The following REEP5 variants were observed in gnomAD, a reference collection of about 807,000 sequenced individuals.
REEP5 encodes the protein receptor accessory protein 5.
In REEP5, 24 loss-of-function variants were observed where a neutral mutation model predicts 22.4. That is an observed-to-expected ratio of 1.07 (90% CI 0.78 to 1.51). The LOEUF (loss-of-function observed/expected upper bound fraction) is 1.51. Ranked by LOEUF, REEP5 falls within the 40% of genes most tolerant of loss-of-function variation. The pLI is 0.00. For synonymous variants in REEP5, 103 were observed against 88.6 expected (o/e 1.16, Z -0.92); for missense variants, 252 against 233.0 (o/e 1.08, Z -0.53).
At chr5:112,915,285 G>C (rs771149104) in intron 2 of REEP5, among the ~76,000 whole-genome samples, 2 of 151,702 alleles carry the variant, frequency 1.3e-5, no homozygotes, top group Non-Finnish European at 2.9e-5. Context: ...AACTGCTTTA[G>C]AGCCCAGAAA....
At chr5:112,908,617 C>T (rs1352651672) in intron 2 of REEP5, among the ~76,000 whole-genome samples, 1 of 152,052 alleles carries the variant, frequency 6.6e-6, no homozygotes, top group Admixed American at 6.6e-5. Flanking sequence ...GCTCTGCCTC[C>T]CGGGTTCATG....
At chr5:112,892,911 T>A in intron 3 of REEP5, 1 of 1,607,700 alleles carries the variant, frequency 6.2e-7, no homozygotes, top group Non-Finnish European at 8.5e-7. Flanking sequence ...AGAGGCACAA[T>A]TCACCAAGCA....
Position 112,877,981 on chromosome 5 carries a change from CTGTGTGTG to C in REEP5, c.*797_*804del, listed in dbSNP as rs60109818. ...AGGGAATTGAGAGTTACAGGTTACTCTGTGTGTGTGTGTGTGTGTGTGTGTGTGTGTGT... is the reference window on the plus strand; with the variant it reads ...AGGGAATTGAGAGTTACAGGTTACTCTGTGTGTGTGTGTGTGTGTGTGTGT... On this transcript the variant is annotated 3_prime_UTR_variant, in exon 5 of 5. Transcript: ENST00000379638. The C allele has an allele frequency of 0.065, 9,532 of 147,556 alleles. 356 individuals are homozygous for C. The highest frequency in any genetic ancestry group is 0.074 in the Non-Finnish European group (4,953 of 67,178). The allele number at this position is 147,556 out of a possible 1,614,324, so 9.1% of individuals were successfully genotyped here.
intron 4 of REEP5, among the ~76,000 whole-genome samples, chr5:112,882,444 C>T (rs1580728456): frequency 6.6e-6 from 1 of 152,232 alleles, no homozygotes; most frequent in African/African-American, 2.4e-5. Context: ...CCCACCCTCA[C>T]TTCATAGTTC....
intron 2 of REEP5, among the ~76,000 whole-genome samples, chr5:112,919,555 G>A (rs944397765): frequency 2.7e-4 from 41 of 152,204 alleles, no homozygotes; most frequent in Middle Eastern, 3.4e-3. Flanking sequence ...AATATAGAGC[G>A]AGACTCTGTC....
intron 4 of REEP5, 112 bp from the exon 5 acceptor site, chr5:112,878,947 C>T (rs903155884): frequency 1.3e-6 from 2 of 1,525,578 alleles, no homozygotes; most frequent in East Asian, 2.3e-5. Context: ...TTGGATGACT[C>T]ATGTTCAGGT....
chr5:112,892,915 CCA>C, intron 3 of REEP5: 1 of 1,607,452 alleles, frequency 6.2e-7, no homozygotes, highest in East Asian at 2.2e-5. Flanking sequence ...GCACAATTCA[CCA>C]AGCAGAGGAA....
intron 4 of REEP5, 144 bp from the exon 5 acceptor site, chr5:112,878,979 G>T (rs1767982803): frequency 7.5e-7 from 1 of 1,325,836 alleles, no homozygotes. Context: ...GGGGTTTGTG[G>T]TCTGGGCTAA....
intron 3 of REEP5, chr5:112,894,396 G>T (rs767281585): frequency 6.6e-6 from 1 of 152,182 alleles, no homozygotes; most frequent in Non-Finnish European, 1.5e-5. Flanking sequence ...GATTATAGGC[G>T]TGAGCCACTG....
intron 3 of REEP5, chr5:112,891,568 C>G: frequency 6.5e-7 from 1 of 1,548,526 alleles, no homozygotes; most frequent in Non-Finnish European, 8.7e-7. Context: ...CTGACAGTGG[C>G]AGCTATGAAC....
chr5:112,921,517 C>A (rs1769365951), intron 1 of REEP5: 4 of 533,842 alleles, frequency 7.5e-6, no homozygotes, highest in African/African-American at 3.8e-5. Flanking sequence ...GCAGCAACCC[C>A]CGGCGCCCGG....
Position 112,883,908 on chromosome 5 carries a change from CCCAATCCATAAG to C in REEP5, c.520+3095_520+3106del, listed in dbSNP as rs375232010. Reference sequence around the variant, plus strand: ...TTGTCCTTAACCCCTCTGACCCATGCCCAATCCATAAGCCAATCCATAAGCAAATCCCATTAC... The same window carrying C: ...TTGTCCTTAACCCCTCTGACCCATGCCCAATCCATAAGCAAATCCCATTAC... On this transcript the variant is annotated intron_variant, in intron 4 of 4. Coordinates refer to ENST00000379638, the MANE Select transcript of REEP5 (RefSeq NM_005669.5). 7.7e-3 allele frequency among the ~76,000 whole-genome samples: 1,174 copies of C among 152,224 alleles called. 18 individuals are homozygous for C. The highest frequency in any genetic ancestry group is 0.027 in the African/African-American group (1,104 of 41,530).
chr5:112,876,566 C>T lies in REEP5; in HGVS notation c.*2220G>A, dbSNP rs1367759132. 6.6e-6 allele frequency: 1 copy of T among 152,156 alleles called. No individual in the cohort carries two copies. The highest frequency in any genetic ancestry group is 1.5e-5 in the Non-Finnish European group (1 of 68,030). The allele number at this position is 152,156 out of a possible 1,614,324, so 9.4% of individuals were successfully genotyped here. ...AAGCCTTCAGGTAAGGGAATAACTG[C>T]TGCAGGAATTCTTTCTTGAAGAATT... On this transcript the variant is annotated 3_prime_UTR_variant, in exon 5 of 5. Coordinates refer to ENST00000379638, the MANE Select transcript of REEP5 (RefSeq NM_005669.5).
chr5:112,913,612 G>A (rs1769168269), intron 2 of REEP5, among the ~76,000 whole-genome samples: 1 of 150,112 alleles, frequency 6.7e-6, no homozygotes, highest in African/African-American at 2.5e-5. Flanking sequence ...AGAAAAAAAT[G>A]CAGTCATTCA....
Position 112,886,996 on chromosome 5 carries a change from T to C in REEP5, c.520+19A>G, listed in dbSNP as rs941705882. The C allele has an allele frequency of 1.3e-6, 2 of 1,573,486 alleles. No homozygotes were observed. Among genetic ancestry groups the C allele is most frequent in the Admixed American group, 1.7e-5 (1 of 58,934 alleles). ...ACATCTCCTCTCACATGTGGGGCCA[T>C]CTTGTTCCTGAGTCTTACCTTCTTT... On this transcript the variant is annotated intron_variant, in intron 4 of 4. Transcript: ENST00000379638.
At chr5:112,921,099 T>C (rs1324671372) in intron 2 of REEP5, 64 bp downstream of exon 2, 3 of 1,507,804 alleles carry the variant, frequency 2.0e-6, no homozygotes, top group Non-Finnish European at 2.7e-6. Context: ...TGCAGTCTAC[T>C]GCAGCAGCCC....
intron 4 of REEP5, among the ~76,000 whole-genome samples, chr5:112,884,101 A>G (rs1237552949): frequency 6.6e-6 from 1 of 152,164 alleles, no homozygotes; most frequent in Non-Finnish European, 1.5e-5. Flanking sequence ...TGTTCCTAAT[A>G]CAGTGGCCAC....
chr5:112,891,961 C>A, intron 3 of REEP5: 1 of 1,243,602 alleles, frequency 8.0e-7, no homozygotes. Context: ...GCTAGAAGAA[C>A]AAGAGAGAAA....
chr5:112,904,982 T>C (rs1251361073), intron 2 of REEP5, among the ~76,000 whole-genome samples: 2 of 152,122 alleles, frequency 1.3e-5, no homozygotes. Context: ...AACCAAGGCA[T>C]ATGAAAGAAG....
Sources: gnomAD v4.1 joint callset for allele counts (sites outside exome capture counted in the v4.1 genomes callset) on GRCh38, gnomAD v4.1.1 for gene constraint, MANE v1.5 for transcripts, NCBI Gene and HGNC (gene_info 2026-07-23, HGNC 2026-07-21) for gene names.